The following PTPRG variants were observed in gnomAD, a reference collection of about 807,000 sequenced individuals.
The protein encoded by PTPRG is receptor-type tyrosine-protein phosphatase gamma.
PTPRG carries 102 observed loss-of-function variants against 165.3 expected under a neutral mutation model. That is an observed-to-expected ratio of 0.62 (90% confidence interval 0.53 to 0.73). The LOEUF is 0.73. Among genes scored for constraint, PTPRG ranks in the 30% least tolerant of loss-of-function variants. The pLI, the probability that PTPRG is intolerant of heterozygous loss-of-function variation, is 0.00. For synonymous variants in PTPRG, 675 were observed against 669.5 expected, an observed-to-expected ratio of 1.01 and a Z score of -0.13; for missense variants, 1,866 against 1,861.4, an observed-to-expected ratio of 1.00 and a Z score of -0.05.
At chr3:62,076,571 T>G (rs1488924019) in intron 4 of PTPRG, among the ~76,000 whole-genome samples, 1 of 151,460 alleles carries the variant, frequency 6.6e-6, no homozygotes, top group African/African-American at 2.4e-5. Flanking sequence ...GGTTCATTTT[T>G]GTTCTCTACA....
chr3:62,172,890 G>A (rs555197637), intron 8 of PTPRG, among the ~76,000 whole-genome samples: 1 of 152,194 alleles, frequency 6.6e-6, no homozygotes, highest in Non-Finnish European at 1.5e-5. Context: ...TCGGGCTGTT[G>A]TCACAGAAGA....
intron 2 of PTPRG, among the ~76,000 whole-genome samples, chr3:61,816,826 G>A (rs186173059): frequency 2.4e-4 from 36 of 151,466 alleles, no homozygotes; most frequent in Non-Finnish European, 3.8e-4. Flanking sequence ...TGAGATAAAA[G>A]TGATGTCTCA....
At chr3:62,127,867 TG>T (rs779798918) in intron 5 of PTPRG, among the ~76,000 whole-genome samples, 2 of 152,220 alleles carry the variant, frequency 1.3e-5, no homozygotes, top group Non-Finnish European at 2.9e-5. Context: ...CAGGCCCTCC[TG>T]TAGAGCCTCC....
At chr3:62,090,024 T>C (rs1338148174) in intron 5 of PTPRG, among the ~76,000 whole-genome samples, 1 of 152,236 alleles carries the variant, frequency 6.6e-6, no homozygotes, top group Non-Finnish European at 1.5e-5. Flanking sequence ...AATATAGCCC[T>C]TTGGTTATAA....
chr3:61,701,667 G>T (rs1007714241), intron 1 of PTPRG, among the ~76,000 whole-genome samples: 1 of 152,180 alleles, frequency 6.6e-6, no homozygotes, highest in Non-Finnish European at 1.5e-5. Context: ...GGAGGCCAAG[G>T]TGGGTGGATC....
intron 2 of PTPRG, among the ~76,000 whole-genome samples, chr3:61,850,203 C>A (rs527765023): frequency 2.6e-5 from 4 of 152,154 alleles, no homozygotes; most frequent in African/African-American, 9.6e-5. Flanking sequence ...TGCTCTTTCA[C>A]CCCTGCTGGA....
chr3:61,752,368 A>G (rs183356729), intron 2 of PTPRG, among the ~76,000 whole-genome samples: 92 of 152,336 alleles, frequency 6.0e-4, no homozygotes, highest in Non-Finnish European at 1.0e-3. Context: ...CTACAGTTGC[A>G]GAACTGAGTG....
chr3:62,081,561 T>G (rs1701582241), intron 5 of PTPRG, among the ~76,000 whole-genome samples: 1 of 152,132 alleles, frequency 6.6e-6, no homozygotes, highest in Non-Finnish European at 1.5e-5. Flanking sequence ...CCCAGCCTAG[T>G]CTGGAACTCC....
chr3:62,102,082 A>G (rs185720982), intron 5 of PTPRG, among the ~76,000 whole-genome samples: 10 of 152,094 alleles, frequency 6.6e-5, no homozygotes, highest in South Asian at 2.1e-4. Context: ...CGTATTCCTT[A>G]GTAATATTTT....
Position 62,243,884 on chromosome 3 carries a change from T to C in PTPRG, c.2453T>C (p.Ile818Thr). 6.5e-7 allele frequency: 1 copy of C among 1,541,730 alleles called. No homozygotes were observed. Among genetic ancestry groups the C allele is most frequent in the Non-Finnish European group, 9.0e-7 (1 of 1,115,856 alleles). The change falls in exon 15 of 30, where the codon ATT becomes ACT. Residue 818 changes from isoleucine (I) to threonine (T), a missense_variant. Ile to Thr is a moderately conservative substitution (Grantham distance 89, BLOSUM62 -1). Around this residue, in one of 3 missense-constraint regions of PTPRG, gnomAD observed 1,452 missense variants for 1,463.0 expected, o/e 0.99. Transcript: ENST00000474889. ...PRVVPNESIP[I>T]IPIPDDMEAI... ...GTGGTCCCTAATGAAAGTATCCCTATTATTCCTATTCCGGGTAAGTAAGAC... is the reference window on the plus strand; with the variant it reads ...GTGGTCCCTAATGAAAGTATCCCTACTATTCCTATTCCGGGTAAGTAAGAC...
rs140555988 is a variant in PTPRG, at chr3:62,117,762, T to G, written c.616-14840T>G. On this transcript the variant is annotated intron_variant, in intron 5 of 29. Coordinates refer to ENST00000474889, the MANE Select transcript of PTPRG (RefSeq NM_002841.4). Reference sequence around the variant, plus strand: ...AATTCACAGGGTTCGAGCATCTGACTGGCAGAAAAATTTCATTTTCTTTTG... The same window carrying G: ...AATTCACAGGGTTCGAGCATCTGACGGGCAGAAAAATTTCATTTTCTTTTG... Among the ~76,000 whole-genome samples the G allele has an allele frequency of 2.2e-3, 341 of 152,348 alleles. 1 individual carries two copies. The highest frequency in any genetic ancestry group is 7.9e-3 in the African/African-American group (327 of 41,590).
intron 2 of PTPRG, among the ~76,000 whole-genome samples, chr3:61,759,038 T>C (rs965139878): frequency 8.5e-5 from 13 of 152,362 alleles, no homozygotes; most frequent in South Asian, 2.1e-4. Flanking sequence ...TCTTTGAGTG[T>C]AAAGTGGTGG....
chr3:61,737,736 G>T (rs553820641), intron 1 of PTPRG, among the ~76,000 whole-genome samples: 9 of 152,010 alleles, frequency 5.9e-5, no homozygotes, highest in African/African-American at 2.2e-4. Context: ...ATCCCCAGAC[G>T]CAGGTCCTAG....
chr3:62,020,589 A>T (rs2041666045), intron 4 of PTPRG, among the ~76,000 whole-genome samples: 1 of 152,154 alleles, frequency 6.6e-6, no homozygotes, highest in African/African-American at 2.4e-5. Context: ...TTTCCACTTA[A>T]TAGATAATGG....
At chr3:61,769,262 T>C (rs1057357314) in intron 2 of PTPRG, 1 of 152,120 alleles carries the variant, frequency 6.6e-6, no homozygotes, top group Non-Finnish European at 1.5e-5. Flanking sequence ...CACCCACAAA[T>C]GTTTGTTTTT....
chr3:61,996,329 G>T (rs1476687076), intron 3 of PTPRG, among the ~76,000 whole-genome samples: 1 of 152,004 alleles, frequency 6.6e-6, no homozygotes, highest in East Asian at 1.9e-4. Flanking sequence ...TAATTATAAC[G>T]CTTCCAGTAG....
intron 2 of PTPRG, among the ~76,000 whole-genome samples, chr3:61,924,904 G>T (rs1211900209): frequency 6.6e-6 from 1 of 152,170 alleles, no homozygotes; most frequent in African/African-American, 2.4e-5. Context: ...AAGTAATTAG[G>T]TCATAAGCGT....
At chr3:62,264,315 A>G (rs1284284405) in intron 17 of PTPRG, among the ~76,000 whole-genome samples, 5 of 148,930 alleles carry the variant, frequency 3.4e-5, no homozygotes, top group African/African-American at 9.8e-5. Flanking sequence ...CTTGTCTCCA[A>G]AAAAAAAAAA....
chr3:61,702,268 C>T lies in PTPRG; in HGVS notation c.86-46610C>T, dbSNP rs181409115. On this transcript the variant is annotated intron_variant, in intron 1 of 29. Coordinates refer to ENST00000474889, the MANE Select transcript of PTPRG (RefSeq NM_002841.4). ...TGCTGGGATTACAGGCGTGAGCCAC[C>T]GCGTCTGGCCATGAATAGTAGCCTG... 4.5e-3 allele frequency among the ~76,000 whole-genome samples: 684 copies of T among 151,978 alleles called. 4 individuals carry two copies. Among genetic ancestry groups the T allele is most frequent in the Non-Finnish European group, 6.3e-3 (425 of 67,974 alleles).
Sources: gnomAD v4.1 joint callset for allele counts (sites outside exome capture counted in the v4.1 genomes callset) on GRCh38, gnomAD v4.1.1 for gene constraint, gnomAD v4.1.1 regional missense constraint, MANE v1.5 for transcripts, NCBI Gene and HGNC (gene_info 2026-07-23, HGNC 2026-07-21) for gene names.